The following KCNH7 variants were observed in gnomAD, a reference collection of about 807,000 sequenced individuals.
The protein encoded by KCNH7 is voltage-gated inwardly rectifying potassium channel KCNH7.
KCNH7 carries 49 observed loss-of-function variants against 120.8 expected under a neutral mutation model. The observed-to-expected ratio is 0.41, with a 90% CI of 0.32 to 0.51. The LOEUF (loss-of-function observed/expected upper bound fraction) is 0.51. Among genes scored for constraint, KCNH7 ranks in the 20% least tolerant of loss-of-function variants. The probability of loss-of-function intolerance (pLI) is 0.38; values close to 1 mark genes in which losing one functional copy is unlikely to be tolerated. For synonymous variants in KCNH7, 547 were observed against 516.1 expected, an observed-to-expected ratio of 1.06 and a Z score of -0.81; for missense variants, 1,097 against 1,446.6, an observed-to-expected ratio of 0.76 and a Z score of 3.92.
chr2:162,504,600 T>C lies in KCNH7; in HGVS notation c.971A>G (p.Asn324Ser), dbSNP rs577652912. 5 of 1,613,140 alleles carry C rather than the reference T, an allele frequency of 3.1e-6. No individual in the cohort carries two copies. Among genetic ancestry groups the C allele is most frequent in the African/African-American group, 1.3e-5 (1 of 74,952 alleles). ...LLGSTSDSNLNKYSTINKIPQ... is the reference protein window; with the variant it reads ...LLGSTSDSNLSKYSTINKIPQ... ...AATCTTGTTAATGGTGCTGTATTTGTTGAGGTTTGAATCTGATGTGGATCC... is the reference window on the plus strand; with the variant it reads ...AATCTTGTTAATGGTGCTGTATTTGCTGAGGTTTGAATCTGATGTGGATCC... Residue 324 changes from asparagine to serine, a missense_variant, in exon 6 of 16, where the codon AAC becomes AGC. This residue lies in a region of KCNH7 where 362 missense variants were observed against 372.2 expected (regional missense o/e 0.97). Transcript: ENST00000332142.
chr2:162,824,084 G>A (rs2105599833), intron 2 of KCNH7, among the ~76,000 whole-genome samples: 1 of 152,166 alleles, frequency 6.6e-6, no homozygotes, highest in African/African-American at 2.4e-5. Flanking sequence ...GCTGTAATCG[G>A]CATTCTTGAT....
At position 162,681,600 on chromosome 2, in the gene KCNH7, C is replaced by T. The variant is rs530293198; in HGVS notation, c.308-144520G>A. ...CAGTCAGTATAATATTCATACTGTT[C>T]GTGTTGGATGAATTTGGACCAAAAA... On this transcript the variant is annotated intron_variant, in intron 2 of 15. Coordinates refer to ENST00000332142, the MANE Select transcript of KCNH7 (RefSeq NM_033272.4). Among the ~76,000 whole-genome samples, 19 of 151,642 alleles carry T rather than the reference C, an allele frequency of 1.3e-4. 1 individual carries two copies. In the South Asian group the frequency reaches 3.5e-3, roughly 28 times the overall value.
chr2:162,737,797 G>C (rs1687969150), intron 2 of KCNH7, among the ~76,000 whole-genome samples: 1 of 152,122 alleles, frequency 6.6e-6, no homozygotes, highest in African/African-American at 2.4e-5. Context: ...GGGTGTGGTA[G>C]CTCACGCCTG....
chr2:162,458,542 G>A (rs1403656633), intron 6 of KCNH7, among the ~76,000 whole-genome samples: 1 of 151,822 alleles, frequency 6.6e-6, no homozygotes, highest in Non-Finnish European at 1.5e-5. Context: ...CCTGTCTCTT[G>A]GAAACTACAT....
chr2:162,415,331 G>C (rs541220372), intron 9 of KCNH7, among the ~76,000 whole-genome samples: 1 of 152,120 alleles, frequency 6.6e-6, no homozygotes, highest in Non-Finnish European at 1.5e-5. Flanking sequence ...TCTATGAAAT[G>C]CACCAGCACA....
intron 13 of KCNH7, among the ~76,000 whole-genome samples, chr2:162,380,376 T>C (rs1267496724): frequency 6.6e-6 from 1 of 152,156 alleles, no homozygotes; most frequent in Non-Finnish European, 1.5e-5. Flanking sequence ...GGAAGCAGCA[T>C]ATGTTGTTTG....
intron 12 of KCNH7, among the ~76,000 whole-genome samples, chr2:162,392,273 CGTGT>C (rs368607515): frequency 2.7e-5 from 4 of 149,450 alleles, no homozygotes; most frequent in East Asian, 2.0e-4. Flanking sequence ...GGTATGAATT[CGTGT>C]GTGTGTGTGT....
chr2:162,710,513 A>G (rs1012450096), intron 2 of KCNH7, among the ~76,000 whole-genome samples: 21 of 152,222 alleles, frequency 1.4e-4, no homozygotes, highest in Non-Finnish European at 2.6e-4. Flanking sequence ...ACACACTCAG[A>G]AAGTGCAAGC....
At chr2:162,500,624 T>A (rs1690655900) in intron 6 of KCNH7, among the ~76,000 whole-genome samples, 1 of 152,012 alleles carries the variant, frequency 6.6e-6, no homozygotes, top group African/African-American at 2.4e-5. Flanking sequence ...ATGACTACTC[T>A]ATTGTTTGTG....
At chr2:162,545,804 A>C (rs1692458699) in intron 2 of KCNH7, among the ~76,000 whole-genome samples, 1 of 152,154 alleles carries the variant, frequency 6.6e-6, no homozygotes, top group African/African-American at 2.4e-5. Flanking sequence ...TTATGAGATA[A>C]CTCTGACATA....
chr2:162,836,440 T>A, intron 2 of KCNH7, 97 bp downstream of exon 2: 1 of 852,510 alleles, frequency 1.2e-6, no homozygotes, highest in South Asian at 1.6e-5. Context: ...ATATCTACAA[T>A]TGAACATTTT....
At chr2:162,814,681 T>C (rs1190289809) in intron 2 of KCNH7, among the ~76,000 whole-genome samples, 1 of 152,142 alleles carries the variant, frequency 6.6e-6, no homozygotes, top group Non-Finnish European at 1.5e-5. Context: ...AGTAAACAGA[T>C]CCAAGGAATA....
chr2:162,599,675 TG>T (rs1181035040), intron 2 of KCNH7, among the ~76,000 whole-genome samples: 3 of 152,056 alleles, frequency 2.0e-5, no homozygotes, highest in African/African-American at 7.2e-5. Flanking sequence ...TTCTAATTTA[TG>T]TATCTCATAA....
intron 2 of KCNH7, among the ~76,000 whole-genome samples, chr2:162,717,104 G>A (rs1687148647): frequency 1.3e-5 from 2 of 152,108 alleles, no homozygotes; most frequent in South Asian, 4.1e-4. Flanking sequence ...TAATTACAAG[G>A]TAGAACTAAA....
At chr2:162,490,175 G>C (rs1485226632) in intron 6 of KCNH7, among the ~76,000 whole-genome samples, 1 of 152,236 alleles carries the variant, frequency 6.6e-6, no homozygotes, top group African/African-American at 2.4e-5. Flanking sequence ...GCAGACAAGG[G>C]AATTTGCACA....
intron 2 of KCNH7, among the ~76,000 whole-genome samples, chr2:162,764,717 A>G (rs1682711381): frequency 6.6e-6 from 1 of 152,206 alleles, no homozygotes; most frequent in African/African-American, 2.4e-5. Context: ...TAAAAAGCTA[A>G]AGACATTTGT....
intron 2 of KCNH7, among the ~76,000 whole-genome samples, chr2:162,774,845 T>C (rs919993781): frequency 6.6e-6 from 1 of 152,180 alleles, no homozygotes; most frequent in Non-Finnish European, 1.5e-5. Flanking sequence ...CCTGGAATAA[T>C]TTTATAGGCA....
At chr2:162,408,322 G>C (rs536839246) in intron 9 of KCNH7, among the ~76,000 whole-genome samples, 1 of 152,086 alleles carries the variant, frequency 6.6e-6, no homozygotes, top group African/African-American at 2.4e-5. Context: ...AATTGTTTTT[G>C]AGGGAAAGCA....
At chr2:162,786,490 C>A (rs1219126222) in intron 2 of KCNH7, among the ~76,000 whole-genome samples, 1 of 152,116 alleles carries the variant, frequency 6.6e-6, no homozygotes, top group African/African-American at 2.4e-5. Context: ...ACTTTTTGAG[C>A]TTGTACTTCT....
Sources: allele counts gnomAD v4.1 joint callset (sites outside exome capture counted in the v4.1 genomes callset), GRCh38; gene constraint gnomAD v4.1.1; regional missense constraint gnomAD v4.1.1; transcripts MANE v1.5; gene names NCBI Gene and HGNC (gene_info 2026-07-23, HGNC 2026-07-21).